Variants in SERPINA6 observed in about 807,000 individuals in gnomAD.
SERPINA6 encodes serpin family A member 6.
In SERPINA6, 19 loss-of-function variants were observed where a neutral mutation model predicts 26.4. The ratio of observed to expected loss-of-function variants is 0.72; its 90% CI spans 0.50 to 1.06. The LOEUF (loss-of-function observed/expected upper bound fraction) is 1.06, where lower values mean the gene tolerates loss of function less well. Among genes scored for constraint, SERPINA6 ranks in the 50% least tolerant of loss-of-function variants. The pLI, the probability that SERPINA6 is intolerant of heterozygous loss-of-function variation, is 0.00. For synonymous variants in SERPINA6, 196 were observed against 199.4 expected (o/e 0.98, Z 0.14); for missense variants, 473 against 504.0 (o/e 0.94, Z 0.59).
intron 3 of SERPINA6, among the ~76,000 whole-genome samples, chr14:94,308,894 T>TCACTCACTCACCATTCTATG (rs940381399): frequency 6.6e-6 from 1 of 152,146 alleles, no homozygotes; most frequent in African/African-American, 2.4e-5. Context: ...ACCCATCCAT[T>TCACTCACTCACCATTCTATG]CACTCACTCA....
chr14:94,310,628 A>G (rs774535035), intron 2 of SERPINA6, among the ~76,000 whole-genome samples: 4 of 152,122 alleles, frequency 2.6e-5, no homozygotes, highest in Non-Finnish European at 5.9e-5. Flanking sequence ...AGAGCTCACT[A>G]CCTTCACAGA....
intron 3 of SERPINA6, among the ~76,000 whole-genome samples, chr14:94,307,023 C>T (rs911213248): frequency 6.6e-6 from 1 of 152,120 alleles, no homozygotes; most frequent in South Asian, 2.1e-4. Flanking sequence ...GCAAAAGCAG[C>T]CCTGAGTGAG....
rs772942603 is a variant in SERPINA6 at position 94,309,773 on chromosome 14, C to G, written c.847G>C (p.Asp283His). Residue 283 changes from aspartate (D) to histidine (H), a missense_variant, in exon 3 of 5, where the codon GAC (aspartate) becomes CAC (histidine). Asp to His is a moderately conservative substitution (Grantham distance 81). Coordinates refer to ENST00000341584, the MANE Select transcript of SERPINA6 (RefSeq NM_001756.4). ...MNTVIAALSR[D>H]TINRWSAGLT... ...CCTGCGGACCACCTGTTAATCGTGT[C>G]CCGGCTCAGTGCAGCGATGACTGTG... 1 of 1,614,036 alleles carries G rather than the reference C, an allele frequency of 6.2e-7. No individual in the cohort carries two copies. Among genetic ancestry groups the G allele is most frequent in the African/African-American group, 1.3e-5 (1 of 74,924 alleles).
intron 1 of SERPINA6, among the ~76,000 whole-genome samples, chr14:94,322,256 C>A (rs4900225): frequency 0.45 from 69,028 of 152,020 alleles, 17,492 homozygotes; most frequent in East Asian, 0.86. Flanking sequence ...TGCCTGTAAT[C>A]CCAGCACTTT....
chr14:94,305,799 A>C (rs1413504707), intron 4 of SERPINA6, among the ~76,000 whole-genome samples: 1 of 152,198 alleles, frequency 6.6e-6, no homozygotes, highest in African/African-American at 2.4e-5. Context: ...TGGTTTTCAC[A>C]GTTCCCCTCT....
chr14:94,316,400 T>G (rs1382265629), intron 1 of SERPINA6, among the ~76,000 whole-genome samples: 2 of 152,236 alleles, frequency 1.3e-5, no homozygotes, highest in Non-Finnish European at 2.9e-5. Context: ...TCAAGTTCTC[T>G]ATTTTCTTAC....
rs1166623585 is a variant in SERPINA6 at position 94,304,504 on chromosome 14, G to A, written c.1132C>T (p.Arg378Cys). ...ATGATGATGAAGGGCTGGTTGAAAC[G>A]CAAGATGATAGGCTTGGACGTCAGG... ...LNLTSKPIIL[R>C]FNQPFIIMIF... The change falls in exon 5 of 5, where the codon CGT (arginine) becomes TGT (cysteine). Residue 378 changes from arginine (R) to cysteine (C), a missense_variant. Transcript: ENST00000341584. The A allele has an allele frequency of 6.2e-7, 1 of 1,614,134 alleles. No individual in the cohort carries two copies. Among genetic ancestry groups the A allele is most frequent in the Admixed American group, 1.7e-5 (1 of 60,022 alleles).
At chr14:94,320,719 A>G (rs1016974233) in intron 1 of SERPINA6, among the ~76,000 whole-genome samples, 2 of 152,194 alleles carry the variant, frequency 1.3e-5, no homozygotes, top group Admixed American at 6.5e-5. Context: ...CAAGAATGAC[A>G]GGTGGGAACT....
At chr14:94,308,608 T>C (rs1895476648) in intron 3 of SERPINA6, among the ~76,000 whole-genome samples, 1 of 152,196 alleles carries the variant, frequency 6.6e-6, no homozygotes, top group Non-Finnish European at 1.5e-5. Flanking sequence ...GTTGGCATTT[T>C]CTGACCCTTC....
intron 1 of SERPINA6, among the ~76,000 whole-genome samples, chr14:94,321,017 G>A (rs1895678499): frequency 6.6e-6 from 1 of 152,128 alleles, no homozygotes; most frequent in African/African-American, 2.4e-5. Flanking sequence ...GCTGGATTGG[G>A]GCCCTAGCAC....
chr14:94,305,390 T>C (rs185415231), intron 4 of SERPINA6, among the ~76,000 whole-genome samples: 1 of 152,318 alleles, frequency 6.6e-6, no homozygotes, highest in East Asian at 1.9e-4. Flanking sequence ...GGAAGCTGCA[T>C]ACCCTCCCTG....
At chr14:94,322,942 T>C (rs1224503389) in intron 1 of SERPINA6, among the ~76,000 whole-genome samples, 1 of 136,774 alleles carries the variant, frequency 7.3e-6, no homozygotes, top group Non-Finnish European at 1.6e-5. Context: ...TCTGTGGCTG[T>C]TGTGGCTGTT....
At chr14:94,307,589 G>A (rs527840041) in intron 3 of SERPINA6, among the ~76,000 whole-genome samples, 7 of 152,212 alleles carry the variant, frequency 4.6e-5, no homozygotes, top group African/African-American at 7.2e-5. Context: ...ATCATGGTGC[G>A]TTATCACCCC....
At chr14:94,304,714 T>G in intron 4 of SERPINA6, 111 bp from the exon 5 acceptor site, 2 of 870,892 alleles carry the variant, frequency 2.3e-6, no homozygotes, top group Non-Finnish European at 3.6e-6. Context: ...AAATCCAGGG[T>G]CAGAGAAGGT....
At chr14:94,305,575 C>T (rs768757199) in intron 4 of SERPINA6, among the ~76,000 whole-genome samples, 66 of 152,224 alleles carry the variant, frequency 4.3e-4, no homozygotes, top group Admixed American at 2.6e-3. Context: ...ATCTGAGTAA[C>T]GGGGGCATAC....
chr14:94,314,689 T>C, intron 1 of SERPINA6, 22 bp from the exon 2 acceptor site: 1 of 1,604,750 alleles, frequency 6.2e-7, no homozygotes, highest in Non-Finnish European at 8.5e-7. Flanking sequence ...GAAAAGCTTG[T>C]TAGATGCTGT....
At chr14:94,308,238 G>A (rs901671605) in intron 3 of SERPINA6, among the ~76,000 whole-genome samples, 1 of 152,166 alleles carries the variant, frequency 6.6e-6, no homozygotes, top group East Asian at 1.9e-4. Context: ...CCAGTGGCAT[G>A]TTACATATCT....
At chr14:94,313,122 C>T (rs929662413) in intron 2 of SERPINA6, among the ~76,000 whole-genome samples, 4 of 152,144 alleles carry the variant, frequency 2.6e-5, no homozygotes, top group Non-Finnish European at 5.9e-5. Flanking sequence ...GGAGGCTTCA[C>T]AGAGGAGGTG....
chr14:94,309,193 A>G (rs1895487333), intron 3 of SERPINA6, among the ~76,000 whole-genome samples: 1 of 152,158 alleles, frequency 6.6e-6, no homozygotes, highest in South Asian at 2.1e-4. Context: ...TTACTCGCTT[A>G]TTACCTACTT....
Sources: allele counts gnomAD v4.1 joint callset (sites outside exome capture counted in the v4.1 genomes callset), GRCh38; gene constraint gnomAD v4.1.1; transcripts MANE v1.5; gene names NCBI Gene and HGNC (gene_info 2026-07-23, HGNC 2026-07-21).